GABRG3: variants seen among roughly 807,000 people sequenced by gnomAD.
GABRG3 encodes the protein gamma-aminobutyric acid type A receptor subunit gamma3.
A neutral mutation model predicts 48.8 loss-of-function variants in GABRG3; 25 were observed. The observed-to-expected ratio is 0.51, with a 90% CI of 0.37 to 0.72. The LOEUF is 0.72. Among genes scored for constraint, GABRG3 ranks in the 30% least tolerant of loss-of-function variants. The pLI, the probability that GABRG3 is intolerant of heterozygous loss-of-function variation, is 0.00. For missense variants in GABRG3, 394 were observed against 577.9 expected (o/e 0.68, Z 3.26); for synonymous variants, 227 against 217.6 (o/e 1.04, Z -0.38).
At chr15:27,038,270 C>T (rs56120916) in intron 3 of GABRG3, among the ~76,000 whole-genome samples, 1 of 152,150 alleles carries the variant, frequency 6.6e-6, no homozygotes, top group East Asian at 1.9e-4. Context: ...GAGGGCTGCT[C>T]TCTGCTTCTG....
rs541062747 is a variant in GABRG3 at position 27,457,244 on chromosome 15, C to T, written c.575-23406C>T. Among the ~76,000 whole-genome samples the T allele has an allele frequency of 6.6e-6, 1 of 152,098 alleles. No individual in the cohort carries two copies. Among genetic ancestry groups the T allele is most frequent in the Non-Finnish European group, 1.5e-5 (1 of 68,018 alleles). On this transcript the variant is annotated intron_variant, in intron 5 of 9. Coordinates refer to ENST00000615808, the MANE Select transcript of GABRG3 (RefSeq NM_033223.5). The surrounding 1 kb of genome is among the most constrained non-coding windows in gnomAD (Gnocchi z 4.4). ...CTCCGACAGATGTACAGTGCAGGGC[C>T]GGCGGGGTGGTGGAGAGAAAGGAGG...
chr15:27,149,110 C>T (rs1898262753), intron 3 of GABRG3, among the ~76,000 whole-genome samples: 1 of 151,838 alleles, frequency 6.6e-6, no homozygotes, highest in African/African-American at 2.4e-5. Flanking sequence ...GAGCGTCTGC[C>T]CCCTCCAAAA....
intron 6 of GABRG3, among the ~76,000 whole-genome samples, chr15:27,518,382 AT>A (rs368932071): frequency 6.6e-6 from 1 of 151,210 alleles, no homozygotes. Context: ...AAAAAAAAAA[AT>A]GGGACATCAG....
In GABRG3 at chr15:26,976,949, T is replaced by C. The variant is rs1894960678; in HGVS notation, c.54-53T>C. 2 of 1,599,922 alleles carry C rather than the reference T, an allele frequency of 1.3e-6. No individual in the cohort carries two copies. The highest frequency in any genetic ancestry group is 3.3e-5 in the Admixed American group (2 of 59,742). On this transcript the variant is annotated intron_variant, in intron 1 of 9. Transcript: ENST00000615808. This position sits in a 1 kb window ranked among gnomAD's most constrained non-coding sequence, Gnocchi z 7.8. Reference sequence around the variant, plus strand: ...CTTGGATAGGACAAACTTAGGCTCTTCCTAGAGCCATTGCTGCCACTTATA... The same window carrying C: ...CTTGGATAGGACAAACTTAGGCTCTCCCTAGAGCCATTGCTGCCACTTATA...
chr15:27,355,711 G>A lies in GABRG3; in HGVS notation c.574+26823G>A, dbSNP rs78462110. ...ATTATTCATAATATACAAAAAGTGG[G>A]GGGAAACCCAGATGTCTATCGCTAA... On this transcript the variant is annotated intron_variant, in intron 5 of 9. Transcript: ENST00000615808. Among the ~76,000 whole-genome samples the A allele has an allele frequency of 7.2e-5, 11 of 152,280 alleles. No individual in the cohort carries two copies. In the East Asian group the frequency reaches 2.1e-3, roughly 29 times the overall value.
intron 5 of GABRG3, among the ~76,000 whole-genome samples, chr15:27,458,951 T>A (rs2150834626): frequency 6.6e-6 from 1 of 152,322 alleles, no homozygotes; most frequent in Middle Eastern, 3.4e-3. Context: ...TCTCTTCCTC[T>A]CTGGCTGTGG....
intron 6 of GABRG3, among the ~76,000 whole-genome samples, chr15:27,494,922 AG>A (rs1890445846): frequency 1.3e-5 from 2 of 152,096 alleles, no homozygotes; most frequent in Non-Finnish European, 2.9e-5. Context: ...GTGGGAGTTT[AG>A]ATTATTGATT....
At position 27,118,852 on chromosome 15, in the gene GABRG3, T is replaced by A. The variant is rs1447512574; in HGVS notation, c.270+92031T>A. Among the ~76,000 whole-genome samples, 4 of 152,224 alleles carry A rather than the reference T, an allele frequency of 2.6e-5. No individual in the cohort carries two copies. In the East Asian group the frequency reaches 7.7e-4, roughly 29 times the overall value. ...TTTATAATTTTGGCAAATACTGATG[T>A]CAGGTTTGATGGAATACACCAAATG... On this transcript the variant is annotated intron_variant, in intron 3 of 9. Coordinates refer to ENST00000615808, the MANE Select transcript of GABRG3 (RefSeq NM_033223.5).
chr15:27,539,409 C>T lies in GABRG3; in HGVS notation c.*6528C>T, dbSNP rs1036294519. 5 of 152,168 alleles carry T rather than the reference C, an allele frequency of 3.3e-5. No individual in the cohort carries two copies. The highest frequency in any genetic ancestry group is 9.7e-5 in the African/African-American group (4 of 41,438). The allele number at this position is 152,168 out of a possible 1,614,324, so 9.4% of individuals were successfully genotyped here. A position where few individuals can be genotyped will look rare whatever the true frequency, so the allele number is the denominator to read the frequency against. On this transcript the variant is annotated 3_prime_UTR_variant, in exon 10 of 10. Transcript: ENST00000615808. ...CCACCCACAGCACTTCCTTGGAACT[C>T]TAAGCTGCTTCTCTAATCTAAGGAG...
intron 7 of GABRG3, among the ~76,000 whole-genome samples, chr15:27,524,713 C>T (rs3101640): frequency 0.63 from 95,032 of 151,882 alleles, 30,896 homozygotes; most frequent in African/African-American, 0.81. Context: ...AAGAGTGACA[C>T]GCCTCAAAAA....
chr15:27,025,082 G>T (rs2140680954), intron 2 of GABRG3, among the ~76,000 whole-genome samples: 1 of 146,662 alleles, frequency 6.8e-6, no homozygotes, highest in East Asian at 2.1e-4. Context: ...TTGGCATTTT[G>T]TGAGTGTGTG....
At chr15:27,512,026 G>T (rs748893940) in intron 6 of GABRG3, among the ~76,000 whole-genome samples, 2 of 152,118 alleles carry the variant, frequency 1.3e-5, no homozygotes, top group African/African-American at 4.8e-5. Flanking sequence ...GACTGGGAGG[G>T]AGCCCAAACC....
chr15:27,149,531 A>G (rs984675064), intron 3 of GABRG3, among the ~76,000 whole-genome samples: 4 of 152,208 alleles, frequency 2.6e-5, no homozygotes, highest in African/African-American at 9.6e-5. Flanking sequence ...AATAGCAAAA[A>G]ACAATCTTGC....
At chr15:27,221,713 T>C (rs184411016) in intron 3 of GABRG3, among the ~76,000 whole-genome samples, 1 of 152,318 alleles carries the variant, frequency 6.6e-6, no homozygotes, top group African/African-American at 2.4e-5. Flanking sequence ...TGGCCCTTAA[T>C]AATTTCTCCT....
chr15:27,190,853 C>T (rs1002228853), intron 3 of GABRG3, among the ~76,000 whole-genome samples: 5 of 151,896 alleles, frequency 3.3e-5, no homozygotes, highest in East Asian at 1.9e-4. Flanking sequence ...TGCTTTCTCT[C>T]GTGGGCATTT....
At chr15:27,308,852 G>A (rs931913839) in intron 3 of GABRG3, among the ~76,000 whole-genome samples, 6 of 149,774 alleles carry the variant, frequency 4.0e-5, no homozygotes, top group African/African-American at 1.5e-4. Context: ...AACACAGAAT[G>A]TAAACATATA....
intron 5 of GABRG3, among the ~76,000 whole-genome samples, chr15:27,438,555 G>A (rs962213459): frequency 2.6e-5 from 4 of 152,144 alleles, no homozygotes; most frequent in South Asian, 2.1e-4. Context: ...GAGGGCTGCC[G>A]TCTGCTCAGA....
chr15:27,520,977 A>G (rs1042289855), intron 7 of GABRG3, among the ~76,000 whole-genome samples: 4 of 151,992 alleles, frequency 2.6e-5, no homozygotes, highest in Non-Finnish European at 5.9e-5. Context: ...CTCTACCTAT[A>G]CTAGATTTGC....
At chr15:27,488,745 T>C (rs541200038) in intron 6 of GABRG3, among the ~76,000 whole-genome samples, 7 of 152,320 alleles carry the variant, frequency 4.6e-5, no homozygotes, top group African/African-American at 1.7e-4. Context: ...TTAGTTGTCA[T>C]CTTAGAAAAA....
Sources: gnomAD v4.1 joint callset for allele counts (sites outside exome capture counted in the v4.1 genomes callset) on GRCh38, gnomAD v4.1.1 for gene constraint, Gnocchi (gnomAD v3.1) non-coding constraint, MANE v1.5 for transcripts, NCBI Gene and HGNC (gene_info 2026-07-23, HGNC 2026-07-21) for gene names.